BMP2K: variants seen among roughly 807,000 people sequenced by gnomAD.
The protein encoded by BMP2K is BMP-2-inducible protein kinase.
In BMP2K, 74 loss-of-function variants were observed where a neutral mutation model predicts 116.0. The ratio of observed to expected loss-of-function variants is 0.64; its 90% confidence interval spans 0.53 to 0.77. The LOEUF (loss-of-function observed/expected upper bound fraction) is 0.77, where lower values mean the gene tolerates loss of function less well. BMP2K is among the 30% of genes least tolerant of loss of function. The pLI is 0.00. For missense variants in BMP2K, 1,365 were observed against 1,403.6 expected, an observed-to-expected ratio of 0.97 and a Z score of 0.44; for synonymous variants, 486 against 502.5, an observed-to-expected ratio of 0.97 and a Z score of 0.44.
chr4:78,831,182 T>C (rs934812815), intron 2 of BMP2K, among the ~76,000 whole-genome samples: 1 of 152,238 alleles, frequency 6.6e-6, no homozygotes. Context: ...AGAACACATA[T>C]AACATTTATT....
At chr4:78,838,237 A>G (rs532870911) in intron 3 of BMP2K, among the ~76,000 whole-genome samples, 129 of 152,170 alleles carry the variant, frequency 8.5e-4, no homozygotes, top group Non-Finnish European at 1.4e-3. Flanking sequence ...ACAGCACAGG[A>G]AAGACTTGCC....
At chr4:78,905,421 G>A (rs1327866153) in intron 15 of BMP2K, among the ~76,000 whole-genome samples, 1 of 151,714 alleles carries the variant, frequency 6.6e-6, no homozygotes, top group Admixed American at 6.6e-5. Context: ...ATTACTTAGA[G>A]CCAAAAATAA....
chr4:78,816,136 C>G (rs913170432), intron 1 of BMP2K, among the ~76,000 whole-genome samples: 2 of 152,094 alleles, frequency 1.3e-5, no homozygotes, highest in Non-Finnish European at 2.9e-5. Context: ...AATCATTTTC[C>G]TCTTTCTGGC....
At chr4:78,803,737 G>A (rs906082862) in intron 1 of BMP2K, among the ~76,000 whole-genome samples, 2 of 152,090 alleles carry the variant, frequency 1.3e-5, no homozygotes, top group African/African-American at 4.8e-5. Flanking sequence ...CAAATCTGAT[G>A]AATATCAACC....
At position 78,874,197 on chromosome 4, in the gene BMP2K, A is replaced by G. The variant is rs557689267; in HGVS notation, c.1793+1399A>G. Among the ~76,000 whole-genome samples, 243 of 152,142 alleles carry G rather than the reference A, an allele frequency of 1.6e-3. 3 individuals carry two copies. The highest frequency in any genetic ancestry group is 2.2e-4 in the Non-Finnish European group (15 of 68,008). On this transcript the variant is annotated intron_variant, in intron 13 of 15. Coordinates refer to ENST00000502613, the MANE Select transcript of BMP2K (RefSeq NM_198892.2). ...ATCTCACACACACACACACACACAC[A>G]CACAAAAAGTTCAGATCAGTATTTG...
Position 78,829,785 on chromosome 4 carries a change from CTT to C in BMP2K, c.297+3633_297+3634del, listed in dbSNP as rs1178553443. 9.9e-3 allele frequency among the ~76,000 whole-genome samples: 1,150 copies of C among 115,594 alleles called. 12 individuals are homozygous for C. The highest frequency in any genetic ancestry group is 0.022 in the Admixed American group (250 of 11,434). 75.8% of individuals were successfully genotyped at this position (115,594 alleles called of 152,430 possible). Reference sequence around the variant, plus strand: ...CTTTTCTTTTCTTTTCTTTTCTTTTCTTTTCTCTTCTCTTCTCTTCTCTTCTC... The same window carrying C: ...CTTTTCTTTTCTTTTCTTTTCTTTTCTTCTCTTCTCTTCTCTTCTCTTCTC... On this transcript the variant is annotated intron_variant, in intron 2 of 15. Coordinates refer to ENST00000502613, the MANE Select transcript of BMP2K (RefSeq NM_198892.2).
chr4:78,795,837 T>C (rs921454188), intron 1 of BMP2K, among the ~76,000 whole-genome samples: 4 of 151,920 alleles, frequency 2.6e-5, no homozygotes, highest in African/African-American at 4.8e-5. Context: ...AAAACCACAA[T>C]GAGATACCAT....
intron 15 of BMP2K, among the ~76,000 whole-genome samples, chr4:78,896,439 C>T (rs979697547): frequency 6.6e-6 from 1 of 152,112 alleles, no homozygotes; most frequent in Admixed American, 6.6e-5. Flanking sequence ...AGGCAAATCA[C>T]CTACTTGCTG....
At chr4:78,831,446 A>T (rs1305914181) in intron 2 of BMP2K, among the ~76,000 whole-genome samples, 1 of 152,250 alleles carries the variant, frequency 6.6e-6, no homozygotes, top group Non-Finnish European at 1.5e-5. Context: ...TCTGCAGAGC[A>T]TAATAAAGCA....
Position 78,913,593 on chromosome 4 carries a change from C to T in BMP2K, c.*1560C>T, listed in dbSNP as rs1354647788. ...TTTTATATTTTAAATTAACTCTCTT[C>T]GATCTCAAAGTATATTTTACGAGTA... On this transcript the variant is annotated 3_prime_UTR_variant, in exon 16 of 16. Coordinates refer to ENST00000502613, the MANE Select transcript of BMP2K (RefSeq NM_198892.2). The T allele has an allele frequency of 2.0e-5, 3 of 152,156 alleles. No individual in the cohort carries two copies. Among genetic ancestry groups the T allele is most frequent in the Non-Finnish European group, 4.4e-5 (3 of 68,000 alleles). The allele number at this position is 152,156 out of a possible 1,614,324, so 9.4% of individuals were successfully genotyped here.
chr4:78,902,526 C>T (rs1734062389), intron 15 of BMP2K, among the ~76,000 whole-genome samples: 1 of 151,718 alleles, frequency 6.6e-6, no homozygotes, highest in African/African-American at 2.4e-5. Flanking sequence ...AGTATGCTGC[C>T]AATTCAAAGT....
intron 7 of BMP2K, among the ~76,000 whole-genome samples, chr4:78,853,984 A>G (rs377711681): frequency 1.4e-4 from 22 of 152,230 alleles, no homozygotes; most frequent in African/African-American, 4.8e-4. Flanking sequence ...CTTTCCCTGC[A>G]GAAATGTCTT....
At chr4:78,785,400 C>A (rs1449733723) in intron 1 of BMP2K, among the ~76,000 whole-genome samples, 3 of 152,214 alleles carry the variant, frequency 2.0e-5, no homozygotes, top group African/African-American at 7.2e-5. Flanking sequence ...TCATGAGCCA[C>A]TGCGCCCGGC....
chr4:78,821,350 T>C (rs1729607683), intron 1 of BMP2K, among the ~76,000 whole-genome samples: 1 of 152,196 alleles, frequency 6.6e-6, no homozygotes, highest in Non-Finnish European at 1.5e-5. Flanking sequence ...CATTTCATTA[T>C]CTGTATGTTT....
At chr4:78,849,614 TTAAGGGAG>T (rs1427285550) in intron 6 of BMP2K, among the ~76,000 whole-genome samples, 1 of 151,566 alleles carries the variant, frequency 6.6e-6, no homozygotes, top group African/African-American at 2.4e-5. Flanking sequence ...TTAAGTGTTG[TTAAGGGAG>T]TCTTATGTTC....
Position 78,909,902 on chromosome 4 carries a change from G to T in BMP2K, c.2063-708G>T, listed in dbSNP as rs72660918. On this transcript the variant is annotated intron_variant, in intron 15 of 15. Transcript: ENST00000502613. ...GTTGAATGAACTCAGAAAATGAAGT[G>T]ACTGAATGGATTCTGAGCTAAAAAC... is the stretch of plus-strand genomic sequence containing the variant. Among the ~76,000 whole-genome samples, 300 of 152,318 alleles carry T rather than the reference G, an allele frequency of 2.0e-3. 1 individual carries two copies. Among genetic ancestry groups the T allele is most frequent in the Non-Finnish European group, 3.8e-3 (256 of 68,028 alleles).
At chr4:78,798,967 CATA>C (rs1392744243) in intron 1 of BMP2K, among the ~76,000 whole-genome samples, 3 of 152,132 alleles carry the variant, frequency 2.0e-5, no homozygotes, top group Middle Eastern at 3.2e-3. Context: ...TGGAAATATC[CATA>C]ATAACATTAT....
intron 2 of BMP2K, among the ~76,000 whole-genome samples, chr4:78,831,901 T>G (rs1014120474): frequency 6.6e-6 from 1 of 152,122 alleles, no homozygotes; most frequent in Non-Finnish European, 1.5e-5. Context: ...CTTCATCCTC[T>G]TTTCTCTTTC....
In BMP2K at chr4:78,844,932, A is replaced by C. The variant is rs1421039130; in HGVS notation, c.551A>C (p.Glu184Ala). Reference protein sequence around the residue: ...TPIIHRDLKVENILLNDGGNY... With the variant: ...TPIIHRDLKVANILLNDGGNY... ...TATTGATTTTCTTTTCTTAAGGTAG[A>C]AAATATTTTGTTGAATGATGGTGGG... The change falls in exon 5 of 16, where the codon GAA (glutamate) becomes GCA (alanine). Residue 184 changes from glutamate to alanine, a missense_variant. Glu to Ala is a moderately radical substitution (Grantham distance 107, BLOSUM62 -1). Coordinates refer to ENST00000502613, the MANE Select transcript of BMP2K (RefSeq NM_198892.2). 1.3e-6 allele frequency: 2 copies of C among 1,595,382 alleles called. No individual in the cohort carries two copies. The highest frequency in any genetic ancestry group is 3.4e-5 in the Admixed American group (2 of 59,084).
Sources: gnomAD v4.1 joint callset for allele counts (sites outside exome capture counted in the v4.1 genomes callset) on GRCh38, gnomAD v4.1.1 for gene constraint, MANE v1.5 for transcripts, NCBI Gene and HGNC (gene_info 2026-07-23, HGNC 2026-07-21) for gene names.